Variants in PDE1A observed in about 807,000 individuals in gnomAD.
The protein encoded by PDE1A is dual specificity calcium/calmodulin-dependent 3',5'-cyclic nucleotide phosphodiesterase 1A.
PDE1A carries 35 observed loss-of-function variants against 61.7 expected under a neutral mutation model. The ratio of observed to expected loss-of-function variants is 0.57; its 90% CI spans 0.43 to 0.75. The LOEUF (loss-of-function observed/expected upper bound fraction) is 0.75, where lower values mean the gene tolerates loss of function less well. Among genes scored for constraint, PDE1A ranks in the 30% least tolerant of loss-of-function variants. PDE1A has a pLI of 0.00. For missense variants in PDE1A, 597 were observed against 630.6 expected (o/e 0.95, Z 0.57); for synonymous variants, 232 against 213.2 (o/e 1.09, Z -0.77).
chr2:182,405,134 T>A (rs906484045), intron 1 of PDE1A, among the ~76,000 whole-genome samples: 10 of 152,184 alleles, frequency 6.6e-5, no homozygotes, highest in East Asian at 1.9e-4. Flanking sequence ...TCCATTTTAA[T>A]ATTATGGGAT....
the PDE1A span, among the ~76,000 whole-genome samples, chr2:182,585,911 C>G: frequency 6.6e-6 from 1 of 152,020 alleles, no homozygotes; most frequent in Non-Finnish European, 1.5e-5. Flanking sequence ...GGTGATTTGA[C>G]TTAAATTTAG....
At chr2:182,155,669 C>G (rs1691039947) in intron 13 of PDE1A, among the ~76,000 whole-genome samples, 1 of 152,110 alleles carries the variant, frequency 6.6e-6, no homozygotes, top group African/African-American at 2.4e-5. Context: ...CCTGGTGGAT[C>G]ACCTGAGGCC....
the PDE1A span, among the ~76,000 whole-genome samples, chr2:182,568,143 T>G: frequency 2.6e-5 from 4 of 152,146 alleles, no homozygotes; most frequent in African/African-American, 7.2e-5. Context: ...TATAGCCTTT[T>G]TTGTAGAGTT....
At chr2:182,273,118 G>A (rs942632037) in intron 1 of PDE1A, among the ~76,000 whole-genome samples, 1 of 151,946 alleles carries the variant, frequency 6.6e-6, no homozygotes, top group Non-Finnish European at 1.5e-5. Flanking sequence ...AAGAAGGAAG[G>A]ACTAAAAGAG....
At chr2:182,386,906 G>C (rs62190200) in intron 1 of PDE1A, among the ~76,000 whole-genome samples, 7 of 152,134 alleles carry the variant, frequency 4.6e-5, no homozygotes, top group Non-Finnish European at 7.4e-5. Flanking sequence ...GCCACCACCC[G>C]GTCTGGGAGG....
chr2:182,466,980 G>C (rs975999387), intron 2 of PDE1A, among the ~76,000 whole-genome samples: 2 of 151,984 alleles, frequency 1.3e-5, no homozygotes, highest in African/African-American at 4.8e-5. Flanking sequence ...CTTAAGATTT[G>C]TCTTTTGAGC....
At chr2:182,177,962 G>A (rs1159111525) in intron 13 of PDE1A, among the ~76,000 whole-genome samples, 2 of 152,020 alleles carry the variant, frequency 1.3e-5, no homozygotes, top group Non-Finnish European at 2.9e-5. Flanking sequence ...TTGAATAATA[G>A]TATTTTAAAT....
At chr2:182,231,775 TGTG>T (rs1449558310) in intron 4 of PDE1A, among the ~76,000 whole-genome samples, 2 of 151,666 alleles carry the variant, frequency 1.3e-5, no homozygotes, top group Non-Finnish European at 2.9e-5. Context: ...ATTAGCCAGG[TGTG>T]GTGGTGCACG....
intron 1 of PDE1A, among the ~76,000 whole-genome samples, chr2:182,352,613 A>C (rs1422562920): frequency 6.6e-6 from 1 of 152,182 alleles, no homozygotes; most frequent in Non-Finnish European, 1.5e-5. Flanking sequence ...ACATCAACAC[A>C]AGGACATCCA....
intron 2 of PDE1A, among the ~76,000 whole-genome samples, chr2:182,476,599 A>T (rs1687381604): frequency 6.6e-6 from 1 of 152,004 alleles, no homozygotes; most frequent in Non-Finnish European, 1.5e-5. Flanking sequence ...TGATTAGGAC[A>T]TTTACTGAGT....
At chr2:182,229,332 T>TAAAA (rs1689383996) in intron 6 of PDE1A, among the ~76,000 whole-genome samples, 2 of 152,256 alleles carry the variant, frequency 1.3e-5, no homozygotes, top group East Asian at 1.9e-4. Context: ...GCTCCTTTTT[T>TAAAA]GAACCCAGCT....
chr2:182,338,339 G>GT (rs1317306467), intron 1 of PDE1A, among the ~76,000 whole-genome samples: 1 of 152,164 alleles, frequency 6.6e-6, no homozygotes, highest in African/African-American at 2.4e-5. Flanking sequence ...TGAAATGAGC[G>GT]TGTAAAATGC....
chr2:182,193,390 G>A (rs894538601), intron 10 of PDE1A, among the ~76,000 whole-genome samples: 4 of 152,084 alleles, frequency 2.6e-5, no homozygotes, highest in African/African-American at 2.4e-5. Context: ...AAGAAGCAAC[G>A]TCGATAACAA....
chr2:182,319,182 T>C (rs975941260), intron 1 of PDE1A, among the ~76,000 whole-genome samples: 1 of 152,184 alleles, frequency 6.6e-6, no homozygotes, highest in Non-Finnish European at 1.5e-5. Flanking sequence ...TAAGAGGATC[T>C]ACTGACTGAA....
At chr2:182,526,733 T>C (rs914195122), upstream of PDE1A, among the ~76,000 whole-genome samples, 1 of 152,146 alleles carries the variant, frequency 6.6e-6, no homozygotes, top group Non-Finnish European at 1.5e-5. Flanking sequence ...GGAAAGCAAA[T>C]TTCTTTGGAG....
At chr2:182,370,612 T>C (rs1700078623) in intron 1 of PDE1A, among the ~76,000 whole-genome samples, 1 of 152,220 alleles carries the variant, frequency 6.6e-6, no homozygotes, top group Non-Finnish European at 1.5e-5. Flanking sequence ...AAGACTGCTG[T>C]TGCTGGTGAG....
intron 7 of PDE1A, among the ~76,000 whole-genome samples, chr2:182,209,346 C>A (rs984247224): frequency 6.6e-6 from 1 of 151,900 alleles, no homozygotes; most frequent in Admixed American, 6.6e-5. Context: ...GGGGAAACCA[C>A]CCCCATGATT....
chr2:182,397,526 A>C (rs1469631808), intron 1 of PDE1A, among the ~76,000 whole-genome samples: 1 of 152,180 alleles, frequency 6.6e-6, no homozygotes, highest in African/African-American at 2.4e-5. Flanking sequence ...AAGAATTATT[A>C]GTGTTAATGT....
chr2:182,516,909 C>A (rs1230699650), intron 2 of PDE1A, among the ~76,000 whole-genome samples: 1 of 150,498 alleles, frequency 6.6e-6, no homozygotes, highest in African/African-American at 2.5e-5. Flanking sequence ...CTGGGTAATA[C>A]AGGATACGCT....
Sources: allele counts gnomAD v4.1 joint callset (sites outside exome capture counted in the v4.1 genomes callset), GRCh38; gene constraint gnomAD v4.1.1; transcripts MANE v1.5; gene names NCBI Gene and HGNC (gene_info 2026-07-23, HGNC 2026-07-21).